The following GBF1 variants were observed in gnomAD, a reference collection of about 807,000 sequenced individuals.
The protein encoded by GBF1 is Golgi-specific brefeldin A-resistance guanine nucleotide exchange factor 1.
GBF1 carries 114 observed loss-of-function variants against 210.5 expected under a neutral mutation model. That is an observed-to-expected ratio of 0.54 (90% CI 0.47 to 0.63). The LOEUF (loss-of-function observed/expected upper bound fraction) is 0.63, where lower values mean the gene tolerates loss of function less well. GBF1 is among the 30% of genes least tolerant of loss of function. The probability of loss-of-function intolerance (pLI) is 0.00; values close to 1 mark genes in which losing one functional copy is unlikely to be tolerated. For synonymous variants in GBF1, 850 were observed against 889.2 expected, an observed-to-expected ratio of 0.96 and a Z score of 0.78; for missense variants, 1,851 against 2,357.7, an observed-to-expected ratio of 0.79 and a Z score of 4.45.
At position 102,363,015 on chromosome 10, in the gene GBF1, C is replaced by G. The variant is rs961138077; in HGVS notation, c.1877-241C>G. 2.0e-5 allele frequency among the ~76,000 whole-genome samples: 3 copies of G among 152,210 alleles called. No homozygotes were observed. The highest frequency in any genetic ancestry group is 6.5e-5 in the Admixed American group (1 of 15,282). On this transcript the variant is annotated intron_variant, in intron 15 of 39. Coordinates refer to ENST00000369983, the MANE Select transcript of GBF1 (RefSeq NM_001377137.1). This position sits in a 1 kb window ranked among gnomAD's most constrained non-coding sequence, Gnocchi z 4.2. ...TCTAATTAGTCCTCTCTAGCTCCCC[C>G]TTGAAATTTGAGGTTGCAGAAGATC...
At chr10:102,311,549 A>G (rs1306238916) in intron 3 of GBF1, among the ~76,000 whole-genome samples, 1 of 152,234 alleles carries the variant, frequency 6.6e-6, no homozygotes, top group East Asian at 1.9e-4. Context: ...TTGAGAAGCA[A>G]GGCCAGGGTG....
At chr10:102,315,727 C>T (rs909208954) in intron 3 of GBF1, among the ~76,000 whole-genome samples, 1 of 152,174 alleles carries the variant, frequency 6.6e-6, no homozygotes, top group African/African-American at 2.4e-5. Context: ...CGCTGCTCAC[C>T]TCCTTCTGTG....
chr10:102,277,838 GT>G (rs940323146), intron 3 of GBF1, among the ~76,000 whole-genome samples: 11 of 147,650 alleles, frequency 7.5e-5, no homozygotes, highest in East Asian at 2.0e-4. Context: ...TTTATTATTT[GT>G]TTTTTTTTTC....
chr10:102,318,096 G>C (rs2056003950), intron 3 of GBF1, among the ~76,000 whole-genome samples: 2 of 151,932 alleles, frequency 1.3e-5, no homozygotes, highest in Admixed American at 6.6e-5. Context: ...TTTTAGTAGA[G>C]ACAAGGTTTC....
rs1459099295 is a variant in GBF1 at position 102,370,307 on chromosome 10, A to G, written c.3411+62A>G. On this transcript the variant is annotated intron_variant, in intron 27 of 39. Coordinates refer to ENST00000369983, the MANE Select transcript of GBF1 (RefSeq NM_001377137.1). Reference sequence around the variant, plus strand: ...TGAATCTGGGAGGGGTGACAGGGACAGTATTATTTCTGTCAGGGCAGGGCC... The same window carrying G: ...TGAATCTGGGAGGGGTGACAGGGACGGTATTATTTCTGTCAGGGCAGGGCC... The G allele has an allele frequency of 8.8e-6, 13 of 1,469,752 alleles. No homozygotes were observed. The East Asian group carries it at 2.5e-4, about 28-fold the overall frequency. 91.0% of individuals were successfully genotyped at this position (1,469,752 alleles called of 1,614,324 possible).
intron 3 of GBF1, among the ~76,000 whole-genome samples, chr10:102,279,228 G>A (rs1483401977): frequency 6.6e-6 from 1 of 152,122 alleles, no homozygotes; most frequent in Non-Finnish European, 1.5e-5. Context: ...AAAAAGGTTT[G>A]GCTCAATGAG....
chr10:102,275,721 G>A (rs1477794031), intron 3 of GBF1, among the ~76,000 whole-genome samples: 1 of 152,096 alleles, frequency 6.6e-6, no homozygotes, highest in African/African-American at 2.4e-5. Context: ...ACCTACTATA[G>A]CTAAATACTT....
In GBF1 at chr10:102,370,867, A is replaced by G. The variant is rs752426038; in HGVS notation, c.3660+7A>G. The G allele has an allele frequency of 6.2e-7, 1 of 1,613,732 alleles. No homozygotes were observed. Among genetic ancestry groups the G allele is most frequent in the Admixed American group, 1.7e-5 (1 of 59,982 alleles). ...AGAAGAGATCAGTGCTCAGGTAAGCAGAATGCATCTTGGAGAGTGGGCAGG... is the reference window on the plus strand; with the variant it reads ...AGAAGAGATCAGTGCTCAGGTAAGCGGAATGCATCTTGGAGAGTGGGCAGG... On this transcript the variant is annotated splice_region_variant and intron_variant, in intron 29 of 39. Transcript: ENST00000369983.
intron 3 of GBF1, among the ~76,000 whole-genome samples, chr10:102,281,648 A>T (rs2075495588): frequency 6.6e-6 from 1 of 150,506 alleles, no homozygotes. Context: ...TTTATAGAAG[A>T]GTTGTAAAGA....
intron 3 of GBF1, among the ~76,000 whole-genome samples, chr10:102,335,169 G>T (rs755919749): frequency 6.6e-6 from 1 of 152,298 alleles, no homozygotes; most frequent in African/African-American, 2.4e-5. Flanking sequence ...ATCCGGATTT[G>T]ATTCTGGAAG....
At chr10:102,362,801 A>G (rs1345692420) in intron 15 of GBF1, 137 bp downstream of exon 15, 8 of 649,970 alleles carry the variant, frequency 1.2e-5, no homozygotes, top group Middle Eastern at 4.1e-4. Flanking sequence ...GGCAGTTTAA[A>G]TCACAGGCCA....
chr10:102,347,700 A>G (rs1446045711), intron 4 of GBF1, among the ~76,000 whole-genome samples: 1 of 152,234 alleles, frequency 6.6e-6, no homozygotes, highest in African/African-American at 2.4e-5. Flanking sequence ...AGTAGCCAGA[A>G]GAGGAGGACA....
At chr10:102,284,375 G>T (rs373157683) in intron 3 of GBF1, among the ~76,000 whole-genome samples, 16 of 151,930 alleles carry the variant, frequency 1.1e-4, no homozygotes, top group African/African-American at 3.9e-4. Context: ...CATTTTCATC[G>T]CCCCAAAAGG....
intron 3 of GBF1, among the ~76,000 whole-genome samples, chr10:102,319,706 T>TTTTTTC (rs1012952627): frequency 4.0e-5 from 6 of 151,378 alleles, no homozygotes; most frequent in East Asian, 3.9e-4. Context: ...CATTTCTTTC[T>TTTTTTC]TTTTTCTTTT....
chr10:102,358,279 G>A, intron 9 of GBF1, 93 bp downstream of exon 9: 1 of 1,185,360 alleles, frequency 8.4e-7, no homozygotes. Context: ...CAACTGAGGG[G>A]CTTTGGTCTT....
the GBF1 span, chr10:102,232,186 C>T: frequency 1.8e-5 from 13 of 723,850 alleles, no homozygotes; most frequent in Non-Finnish European, 2.2e-5. Context: ...TTCCCTGGCG[C>T]CTTTCTCAAC....
chr10:102,351,086 CAAAAAA>C (rs531631806), intron 4 of GBF1, among the ~76,000 whole-genome samples, 164 bp from the exon 5 acceptor site: 4 of 81,362 alleles, frequency 4.9e-5, no homozygotes, highest in Admixed American at 2.8e-4. Flanking sequence ...GACTCTGTCT[CAAAAAA>C]AAAAAAAAAA....
At chr10:102,237,164 T>C in the GBF1 span, among the ~76,000 whole-genome samples, 1 of 152,158 alleles carries the variant, frequency 6.6e-6, no homozygotes, top group Non-Finnish European at 1.5e-5. Flanking sequence ...TGTAGGAGTC[T>C]GCAGTGTAGG....
chr10:102,359,227 C>G (rs2059455682), intron 10 of GBF1, 40 bp from the exon 11 acceptor site: 3 of 1,477,992 alleles, frequency 2.0e-6, no homozygotes, highest in Non-Finnish European at 2.8e-6. Context: ...GTTGCTCTTG[C>G]CTCATCCCTC....
Sources: gnomAD v4.1 joint callset for allele counts (sites outside exome capture counted in the v4.1 genomes callset) on GRCh38, gnomAD v4.1.1 for gene constraint, Gnocchi (gnomAD v3.1) non-coding constraint, MANE v1.5 for transcripts, NCBI Gene and HGNC (gene_info 2026-07-23, HGNC 2026-07-21) for gene names.